DLGAP1: variants seen among roughly 807,000 people sequenced by gnomAD.
DLGAP1 encodes disks large-associated protein 1.
In DLGAP1, 11 loss-of-function variants were observed where a neutral mutation model predicts 90.8. The observed-to-expected ratio is 0.12, with a 90% confidence interval of 0.08 to 0.20. DLGAP1 has a LOEUF of 0.20. Among genes scored for constraint, DLGAP1 ranks in the 10% least tolerant of loss-of-function variants. The pLI, the probability that DLGAP1 is intolerant of heterozygous loss-of-function variation, is 1.00. For missense variants in DLGAP1, 1,050 were observed against 1,333.8 expected (o/e 0.79, Z 3.31); for synonymous variants, 558 against 540.7 (o/e 1.03, Z -0.44).
At chr18:4,064,981 C>T (rs145365196) in intron 2 of DLGAP1, among the ~76,000 whole-genome samples, 2 of 152,176 alleles carry the variant, frequency 1.3e-5, no homozygotes, top group African/African-American at 2.4e-5. Context: ...TTATCCACCA[C>T]AATCAAGTAG....
intron 5 of DLGAP1, among the ~76,000 whole-genome samples, chr18:3,778,142 G>A (rs1193154146): frequency 6.6e-6 from 1 of 152,132 alleles, no homozygotes; most frequent in Non-Finnish European, 1.5e-5. Context: ...TTTGGGTACA[G>A]GTAAAAAGCA....
chr18:4,381,069 A>G (rs2082105568), intron 1 of DLGAP1, among the ~76,000 whole-genome samples: 2 of 152,046 alleles, frequency 1.3e-5, no homozygotes, highest in South Asian at 2.1e-4. Flanking sequence ...CATACATAGT[A>G]TCACCCAGGT....
At chr18:4,426,175 T>C (rs186715652) in intron 1 of DLGAP1, among the ~76,000 whole-genome samples, 4 of 152,340 alleles carry the variant, frequency 2.6e-5, no homozygotes, top group Admixed American at 2.0e-4. Context: ...AGACATTCCA[T>C]GTGCACAAGA....
At chr18:3,869,743 T>C (rs2070629783) in intron 4 of DLGAP1, among the ~76,000 whole-genome samples, 1 of 152,168 alleles carries the variant, frequency 6.6e-6, no homozygotes, top group South Asian at 2.1e-4. Flanking sequence ...AATGCCAGCT[T>C]AATAAAAACT....
chr18:4,071,467 A>G (rs2075445810), intron 2 of DLGAP1, among the ~76,000 whole-genome samples: 1 of 149,036 alleles, frequency 6.7e-6, no homozygotes, highest in Non-Finnish European at 1.5e-5. Flanking sequence ...AATTTCCTTT[A>G]ATGATTTCAA....
intron 1 of DLGAP1, among the ~76,000 whole-genome samples, chr18:4,203,470 CAATT>C (rs1159823524): frequency 6.6e-6 from 1 of 152,024 alleles, no homozygotes; most frequent in Non-Finnish European, 1.5e-5. Flanking sequence ...AAGCAGATAT[CAATT>C]AATCTTTTAA....
intron 1 of DLGAP1, among the ~76,000 whole-genome samples, chr18:4,327,414 T>C (rs2080847501): frequency 6.6e-6 from 1 of 152,060 alleles, no homozygotes; most frequent in East Asian, 1.9e-4. Flanking sequence ...TTTCACTTAA[T>C]GAAGGTGTAA....
At chr18:4,056,454 C>G (rs770931877) in intron 2 of DLGAP1, among the ~76,000 whole-genome samples, 26 of 152,284 alleles carry the variant, frequency 1.7e-4, no homozygotes, top group Middle Eastern at 6.8e-3. Context: ...AGTTATGATC[C>G]CACAGCATGA....
At chr18:3,666,094 G>C (rs2146669919) in intron 7 of DLGAP1, among the ~76,000 whole-genome samples, 1 of 152,308 alleles carries the variant, frequency 6.6e-6, no homozygotes, top group Middle Eastern at 3.4e-3. Flanking sequence ...CGGTCAGGCA[G>C]AGGACGCAAC....
At chr18:4,042,330 A>T (rs569003157) in intron 2 of DLGAP1, among the ~76,000 whole-genome samples, 122 of 152,332 alleles carry the variant, frequency 8.0e-4, no homozygotes, top group African/African-American at 2.6e-3. Flanking sequence ...GGTTTAATAA[A>T]GCACGTCAGA....
At chr18:3,923,250 G>T (rs369899035) in intron 3 of DLGAP1, among the ~76,000 whole-genome samples, 1 of 151,304 alleles carries the variant, frequency 6.6e-6, no homozygotes, top group African/African-American at 2.4e-5. Flanking sequence ...ACCAGTCCTG[G>T]GTATAATAAA....
intron 7 of DLGAP1, among the ~76,000 whole-genome samples, chr18:3,595,382 A>G (rs1206362528): frequency 6.6e-6 from 1 of 152,236 alleles, no homozygotes; most frequent in Non-Finnish European, 1.5e-5. Flanking sequence ...CTTCTATTGA[A>G]GTTTGGCAGT....
At chr18:4,257,253 A>T (rs1377917218) in intron 1 of DLGAP1, among the ~76,000 whole-genome samples, 1 of 152,214 alleles carries the variant, frequency 6.6e-6, no homozygotes, top group Non-Finnish European at 1.5e-5. Flanking sequence ...TCCAAATGGC[A>T]TGTGGGATGC....
intron 2 of DLGAP1, among the ~76,000 whole-genome samples, chr18:4,050,913 A>G (rs1442370): frequency 0.15 from 22,683 of 152,214 alleles, 2,136 homozygotes; most frequent in Non-Finnish European, 0.2. Flanking sequence ...CTGAAGTTCT[A>G]CTGTGGCATT....
chr18:3,856,515 T>A (rs1318620073), intron 4 of DLGAP1, among the ~76,000 whole-genome samples: 1 of 152,078 alleles, frequency 6.6e-6, no homozygotes, highest in African/African-American at 2.4e-5. Flanking sequence ...ATTACCTTAG[T>A]CACTTGAAAC....
chr18:3,888,614 C>T (rs2071383202), intron 3 of DLGAP1, among the ~76,000 whole-genome samples: 2 of 151,238 alleles, frequency 1.3e-5, no homozygotes, highest in Admixed American at 1.3e-4. Context: ...CAGTAGGCAG[C>T]ACAATTACAA....
intron 4 of DLGAP1, chr18:3,878,345 T>A (rs1180685058): frequency 6.6e-6 from 1 of 152,196 alleles, no homozygotes; most frequent in Non-Finnish European, 1.5e-5. Context: ...ACATCTGGTT[T>A]CAGTGAACTG....
chr18:4,285,033 A>T (rs1568490597), intron 1 of DLGAP1, among the ~76,000 whole-genome samples: 1 of 151,618 alleles, frequency 6.6e-6, no homozygotes, highest in East Asian at 1.9e-4. Context: ...TTGTAAAACT[A>T]TTTTTTTTTA....
At chr18:4,333,008 A>G (rs1484741531) in intron 1 of DLGAP1, among the ~76,000 whole-genome samples, 1 of 152,082 alleles carries the variant, frequency 6.6e-6, no homozygotes, top group Middle Eastern at 3.4e-3. Flanking sequence ...ATTTAGCTAC[A>G]TATTATCCTG....
Sources: gnomAD v4.1 joint callset for allele counts (sites outside exome capture counted in the v4.1 genomes callset) on GRCh38, gnomAD v4.1.1 for gene constraint, MANE v1.5 for transcripts, NCBI Gene and HGNC (gene_info 2026-07-23, HGNC 2026-07-21) for gene names.